The following NRXN3 variants were observed in gnomAD, a reference collection of about 807,000 sequenced individuals.
NRXN3 encodes the protein neurexin III.
In NRXN3, 32 loss-of-function variants were observed where a neutral mutation model predicts 137.6. The observed-to-expected ratio is 0.23, with a 90% CI of 0.18 to 0.31. The LOEUF is 0.31. NRXN3 is among the 10% of genes least tolerant of loss of function. The pLI is 1.00. For synonymous variants in NRXN3, 798 were observed against 784.5 expected (o/e 1.02, Z -0.29); for missense variants, 1,574 against 2,062.5 (o/e 0.76, Z 4.59).
intron 10 of NRXN3, among the ~76,000 whole-genome samples, chr14:78,905,857 A>G (rs2099214468): frequency 6.6e-6 from 1 of 152,030 alleles, no homozygotes; most frequent in Non-Finnish European, 1.5e-5. Flanking sequence ...TGTGAGTATT[A>G]TATTCAGAAT....
At chr14:78,302,881 A>G (rs184589923) in intron 4 of NRXN3, among the ~76,000 whole-genome samples, 1 of 152,286 alleles carries the variant, frequency 6.6e-6, no homozygotes, top group Non-Finnish European at 1.5e-5. Flanking sequence ...CTCTGCTGTC[A>G]GCTCCCTGGA....
At chr14:79,252,188 T>C (rs1417955331) in intron 15 of NRXN3, among the ~76,000 whole-genome samples, 1 of 152,152 alleles carries the variant, frequency 6.6e-6, no homozygotes, top group African/African-American at 2.4e-5. Flanking sequence ...ATTCCACCTC[T>C]TTCAAGGGTG....
intron 1 of NRXN3, among the ~76,000 whole-genome samples, chr14:78,227,665 G>A (rs2064855900): frequency 6.6e-6 from 1 of 152,204 alleles, no homozygotes; most frequent in Non-Finnish European, 1.5e-5. Context: ...TAACACCGAA[G>A]CAGACGAGGC....
At chr14:79,135,063 T>C (rs1321280861) in intron 15 of NRXN3, among the ~76,000 whole-genome samples, 2 of 152,226 alleles carry the variant, frequency 1.3e-5, no homozygotes, top group Admixed American at 1.3e-4. Context: ...CTCTCTTGTA[T>C]ATGTTTAAAT....
intron 15 of NRXN3, among the ~76,000 whole-genome samples, chr14:79,291,452 C>T (rs1040008612): frequency 2.6e-5 from 4 of 151,620 alleles, no homozygotes; most frequent in South Asian, 4.2e-4. Context: ...AACTCTTGGG[C>T]TCAAGTGATC....
chr14:78,340,091 G>A (rs1031018655), intron 4 of NRXN3, among the ~76,000 whole-genome samples: 5 of 152,190 alleles, frequency 3.3e-5, no homozygotes, highest in African/African-American at 9.6e-5. Flanking sequence ...TGGACTGTAC[G>A]GGTTTCTGGG....
At chr14:78,755,039 A>G (rs1433325013) in intron 8 of NRXN3, among the ~76,000 whole-genome samples, 1 of 152,050 alleles carries the variant, frequency 6.6e-6, no homozygotes, top group African/African-American at 2.4e-5. Flanking sequence ...AAGAGGCTCT[A>G]TGCTCTTCCA....
At chr14:78,259,079 C>T (rs900363231) in intron 2 of NRXN3, among the ~76,000 whole-genome samples, 1 of 150,708 alleles carries the variant, frequency 6.6e-6, no homozygotes, top group Non-Finnish European at 1.5e-5. Flanking sequence ...TTGCAGTGAG[C>T]CAAGATCGTG....
At chr14:78,808,683 C>G (rs1001227701) in intron 9 of NRXN3, among the ~76,000 whole-genome samples, 1 of 152,124 alleles carries the variant, frequency 6.6e-6, no homozygotes, top group South Asian at 2.1e-4. Context: ...CCGCACGAAA[C>G]CAAACCCAGA....
chr14:79,653,782 A>G (rs2153975416), intron 16 of NRXN3, among the ~76,000 whole-genome samples: 1 of 152,306 alleles, frequency 6.6e-6, no homozygotes, highest in South Asian at 2.1e-4. Flanking sequence ...GGTTACCAAT[A>G]TGCCTGAGCC....
chr14:78,483,074 A>G (rs1354088734), intron 4 of NRXN3, among the ~76,000 whole-genome samples: 1 of 152,098 alleles, frequency 6.6e-6, no homozygotes, highest in Non-Finnish European at 1.5e-5. Context: ...TTTTCTGATT[A>G]TGAAGGGCAT....
intron 15 of NRXN3, among the ~76,000 whole-genome samples, chr14:79,399,008 C>CAA (rs34172134): frequency 0.61 from 46,197 of 75,982 alleles, 13,478 homozygotes; most frequent in Middle Eastern, 0.74. Flanking sequence ...GACTCCATCT[C>CAA]AAAAAAAAAA....
chr14:79,282,584 T>A lies in NRXN3; in HGVS notation c.3263-184637T>A, dbSNP rs10148873. Among the ~76,000 whole-genome samples, 361 of 152,306 alleles carry A rather than the reference T, an allele frequency of 2.4e-3. 1 individual carries two copies. Among genetic ancestry groups the A allele is most frequent in the African/African-American group, 8.4e-3 (350 of 41,556 alleles). ...TTAGTTTATTTCTTCAACGATTGGT[T>A]GCTCAGTCTCCTTTAAATCTTTTTG... On this transcript the variant is annotated intron_variant, in intron 15 of 20. Transcript: ENST00000335750.
chr14:78,776,570 A>G (rs1274073341), intron 8 of NRXN3, among the ~76,000 whole-genome samples: 2 of 152,198 alleles, frequency 1.3e-5, no homozygotes, highest in South Asian at 4.1e-4. Context: ...ATGTGTACAG[A>G]CATGAGATCT....
chr14:79,409,197 A>C (rs2095368610), intron 15 of NRXN3, among the ~76,000 whole-genome samples: 1 of 152,050 alleles, frequency 6.6e-6, no homozygotes, highest in East Asian at 1.9e-4. Flanking sequence ...TCAATTAACA[A>C]AGTAACAGGA....
intron 1 of NRXN3, among the ~76,000 whole-genome samples, chr14:78,235,885 G>A (rs1262064133): frequency 1.3e-5 from 2 of 152,136 alleles, no homozygotes; most frequent in East Asian, 3.9e-4. Context: ...AGAGGACTAG[G>A]GTATAGAGTG....
chr14:79,615,593 G>A (rs2098144990), intron 16 of NRXN3, among the ~76,000 whole-genome samples: 1 of 152,098 alleles, frequency 6.6e-6, no homozygotes, highest in African/African-American at 2.4e-5. Context: ...TACATGGCTG[G>A]GAAGGCCTCA....
intron 15 of NRXN3, among the ~76,000 whole-genome samples, chr14:79,115,931 A>C (rs2054356837): frequency 6.6e-6 from 1 of 152,142 alleles, no homozygotes. Context: ...ATGTATACTA[A>C]GCCTATGGGG....
chr14:79,207,348 C>A (rs2066930729), intron 15 of NRXN3, among the ~76,000 whole-genome samples: 1 of 152,164 alleles, frequency 6.6e-6, no homozygotes, highest in Non-Finnish European at 1.5e-5. Context: ...CTTCGAAAAA[C>A]ACTAGCTTCA....
Sources: allele counts gnomAD v4.1 joint callset (sites outside exome capture counted in the v4.1 genomes callset), GRCh38; gene constraint gnomAD v4.1.1; transcripts MANE v1.5; gene names NCBI Gene and HGNC (gene_info 2026-07-23, HGNC 2026-07-21).